Variants in ME1 observed in about 807,000 individuals in gnomAD.
ME1 encodes the protein NADP-dependent malic enzyme.
In ME1, 74 loss-of-function variants were observed where a neutral mutation model predicts 66.4. That is an observed-to-expected ratio of 1.11 (90% CI 0.92 to 1.35). ME1 has a LOEUF of 1.35. Ranked by LOEUF, ME1 falls within the 40% of genes most tolerant of loss-of-function variation. The pLI is 0.00. For missense variants in ME1, 750 were observed against 694.1 expected (o/e 1.08, Z -0.90); for synonymous variants, 251 against 235.6 (o/e 1.07, Z -0.60).
chr6:83,408,037 T>G (rs1769981903), intron 1 of ME1, 136 bp from the exon 2 acceptor site: 2 of 973,596 alleles, frequency 2.1e-6, no homozygotes, highest in Non-Finnish European at 2.9e-6. Context: ...GCCATGTGGC[T>G]GTGAGTAAAC....
At chr6:83,324,899 C>A (rs1768257908) in intron 5 of ME1, among the ~76,000 whole-genome samples, 1 of 152,074 alleles carries the variant, frequency 6.6e-6, no homozygotes, top group Admixed American at 6.6e-5. Flanking sequence ...CAAAACCTGG[C>A]AGAGACACAA....
chr6:83,327,982 T>C (rs941070149), intron 5 of ME1, among the ~76,000 whole-genome samples: 3 of 152,140 alleles, frequency 2.0e-5, no homozygotes, highest in African/African-American at 4.8e-5. Context: ...CCCTGAAAGA[T>C]TATAAATCAT....
chr6:83,330,446 A>C (rs1416907923), intron 5 of ME1, among the ~76,000 whole-genome samples: 1 of 152,222 alleles, frequency 6.6e-6, no homozygotes, highest in African/African-American at 2.4e-5. Flanking sequence ...AAAAAGTGCT[A>C]GAAATAAAAA....
At chr6:83,409,887 T>C (rs560482529) in intron 1 of ME1, among the ~76,000 whole-genome samples, 1 of 152,328 alleles carries the variant, frequency 6.6e-6, no homozygotes, top group East Asian at 1.9e-4. Context: ...TGAAGTTCAA[T>C]TTGTGTGGAC....
At chr6:83,237,078 A>AACGG (rs1790413590) in intron 9 of ME1, among the ~76,000 whole-genome samples, 1 of 150,870 alleles carries the variant, frequency 6.6e-6, no homozygotes, top group Non-Finnish European at 1.5e-5. Flanking sequence ...CTGTGGTCCC[A>AACGG]ACTGCTCAGA....
At position 83,405,815 on chromosome 6, in the gene ME1, G is replaced by A. The variant is rs567554465; in HGVS notation, c.212+1953C>T. On this transcript the variant is annotated intron_variant, in intron 2 of 13. Transcript: ENST00000369705. ...CGGCTCACTGCAAGCTCCGCCTCCCGGGTTCACGCCATTCTCCTGCCTCAG... is the reference window on the plus strand; with the variant it reads ...CGGCTCACTGCAAGCTCCGCCTCCCAGGTTCACGCCATTCTCCTGCCTCAG... 3.8e-3 allele frequency among the ~76,000 whole-genome samples: 547 copies of A among 145,000 alleles called. 2 individuals are homozygous for A. Among genetic ancestry groups the A allele is most frequent in the African/African-American group, 0.013 (520 of 39,094 alleles).
intron 6 of ME1, among the ~76,000 whole-genome samples, chr6:83,254,567 T>A (rs1368330778): frequency 6.6e-6 from 1 of 152,174 alleles, no homozygotes; most frequent in Non-Finnish European, 1.5e-5. Context: ...CCCAAGTCTC[T>A]TACCAGTCAC....
chr6:83,365,975 A>G (rs538023371), intron 3 of ME1, among the ~76,000 whole-genome samples: 1 of 152,250 alleles, frequency 6.6e-6, no homozygotes, highest in Non-Finnish European at 1.5e-5. Flanking sequence ...GGCATTCTCC[A>G]GGCTCCAATG....
chr6:83,227,307 T>G (rs758425064), intron 11 of ME1, 28 bp downstream of exon 11: 1 of 1,431,032 alleles, frequency 7.0e-7, no homozygotes, highest in Admixed American at 2.3e-5. Flanking sequence ...ATTTGATTAT[T>G]AAAATATCTG....
intron 11 of ME1, among the ~76,000 whole-genome samples, chr6:83,225,920 G>A (rs911174465): frequency 1.3e-5 from 2 of 151,094 alleles, no homozygotes; most frequent in Non-Finnish European, 2.9e-5. Context: ...ATAAATGACA[G>A]TACTGTAGCT....
At chr6:83,281,853 G>GAAAAAAAAATAAAACAA (rs1562468390) in intron 6 of ME1, among the ~76,000 whole-genome samples, 1 of 45,064 alleles carries the variant, frequency 2.2e-5, no homozygotes, top group South Asian at 6.4e-4. Flanking sequence ...AAACAAAAAA[G>GAAAAAAAAATAAAACAA]AGAAAAAAAA....
At chr6:83,323,691 T>G (rs1768227733) in intron 5 of ME1, among the ~76,000 whole-genome samples, 1 of 152,062 alleles carries the variant, frequency 6.6e-6, no homozygotes, top group African/African-American at 2.4e-5. Context: ...ATAAAGCAAG[T>G]TCATAGAGAC....
At chr6:83,323,660 A>C (rs1458573229) in intron 5 of ME1, among the ~76,000 whole-genome samples, 2 of 152,220 alleles carry the variant, frequency 1.3e-5, no homozygotes, top group Non-Finnish European at 2.9e-5. Flanking sequence ...CATATGCACC[A>C]ATACAGGAGC....
chr6:83,344,153 G>T (rs1768642493), intron 5 of ME1, among the ~76,000 whole-genome samples: 1 of 151,604 alleles, frequency 6.6e-6, no homozygotes, highest in Non-Finnish European at 1.5e-5. Context: ...TGGTGTGGTG[G>T]TGCACACCTG....
At chr6:83,406,287 T>C (rs1583421001) in intron 2 of ME1, among the ~76,000 whole-genome samples, 1 of 152,212 alleles carries the variant, frequency 6.6e-6, no homozygotes, top group Non-Finnish European at 1.5e-5. Flanking sequence ...AGCCTGATGT[T>C]TTCTTTTTTT....
chr6:83,394,314 T>C (rs1482352001), intron 3 of ME1, among the ~76,000 whole-genome samples: 1 of 152,100 alleles, frequency 6.6e-6, no homozygotes, highest in Non-Finnish European at 1.5e-5. Flanking sequence ...ATCCGAATGT[T>C]TCTAGCATAA....
chr6:83,215,649 C>T (rs1312170930), intron 13 of ME1, among the ~76,000 whole-genome samples: 1 of 152,136 alleles, frequency 6.6e-6, no homozygotes, highest in Admixed American at 6.6e-5. Flanking sequence ...TTTGGACACA[C>T]AAGCGTGTAC....
At chr6:83,310,942 T>A (rs1475402139) in intron 6 of ME1, among the ~76,000 whole-genome samples, 3 of 152,122 alleles carry the variant, frequency 2.0e-5, no homozygotes, top group Non-Finnish European at 2.9e-5. Context: ...GAATCCTAGT[T>A]ACAAAAGAAT....
At chr6:83,273,266 T>A (rs1456699869) in intron 6 of ME1, among the ~76,000 whole-genome samples, 1 of 149,338 alleles carries the variant, frequency 6.7e-6, no homozygotes, top group African/African-American at 2.5e-5. Context: ...TAAGAAGACA[T>A]AAAATAAGAA....
Sources: allele counts gnomAD v4.1 joint callset (sites outside exome capture counted in the v4.1 genomes callset), GRCh38; gene constraint gnomAD v4.1.1; transcripts MANE v1.5; gene names NCBI Gene and HGNC (gene_info 2026-07-23, HGNC 2026-07-21).